CSMD1: variants seen among roughly 807,000 people sequenced by gnomAD.
CSMD1 encodes CUB and sushi domain-containing protein 1.
A neutral mutation model predicts 417.5 loss-of-function variants in CSMD1; 213 were observed. The ratio of observed to expected loss-of-function variants is 0.51; its 90% CI spans 0.46 to 0.57. CSMD1 has a LOEUF of 0.57. Among genes scored for constraint, CSMD1 ranks in the 20% least tolerant of loss-of-function variants. The pLI, the probability that CSMD1 is intolerant of heterozygous loss-of-function variation, is 0.00. For synonymous variants in CSMD1, 2,862 were observed against 1,736.8 expected, an observed-to-expected ratio of 1.65 and a Z score of -16.11; for missense variants, 6,923 against 4,529.7, an observed-to-expected ratio of 1.53 and a Z score of -15.17.
At position 3,609,194 on chromosome 8, in the gene CSMD1, T is replaced by C. The variant is rs116610455; in HGVS notation, c.1097+7516A>G. 4.9e-3 allele frequency among the ~76,000 whole-genome samples: 744 copies of C among 152,282 alleles called. 7 individuals carry two copies. The highest frequency in any genetic ancestry group is 0.017 in the African/African-American group (705 of 41,556). ...CTTCTACTTATAAACATGAGGATAA[T>C]TACATCTGCCTGGACATAGGCTACA... On this transcript the variant is annotated intron_variant, in intron 8 of 69. Coordinates refer to ENST00000635120, the MANE Select transcript of CSMD1 (RefSeq NM_033225.6).
chr8:3,498,760 TC>T (rs1418852942), intron 10 of CSMD1, among the ~76,000 whole-genome samples: 1 of 152,184 alleles, frequency 6.6e-6, no homozygotes, highest in Non-Finnish European at 1.5e-5. Context: ...TCTTTTTTCA[TC>T]TTGATCTAGT....
chr8:3,666,366 A>G (rs1042089605), intron 7 of CSMD1, among the ~76,000 whole-genome samples: 3 of 152,238 alleles, frequency 2.0e-5, no homozygotes, highest in Non-Finnish European at 4.4e-5. Context: ...AAAATGACAT[A>G]TTCAGTAGAG....
intron 30 of CSMD1, among the ~76,000 whole-genome samples, chr8:3,209,661 T>A (rs1408251381): frequency 6.6e-6 from 1 of 152,216 alleles, no homozygotes; most frequent in East Asian, 1.9e-4. Context: ...ACTGTGCTAA[T>A]CTAAGAAACA....
At chr8:3,365,455 T>C (rs35343399) in intron 20 of CSMD1, among the ~76,000 whole-genome samples, 9 of 152,194 alleles carry the variant, frequency 5.9e-5, no homozygotes, top group African/African-American at 2.2e-4. Flanking sequence ...AATTGTGAAG[T>C]TCTTATTACA....
intron 7 of CSMD1, among the ~76,000 whole-genome samples, chr8:3,671,511 ATGATCATATATATG>A (rs1799043161): frequency 9.1e-5 from 1 of 10,972 alleles, no homozygotes; most frequent in Non-Finnish European, 1.7e-4. Context: ...ATATATATAT[ATGATCATATATATG>A]ATCATATATA....
chr8:4,311,765 A>C (rs1798592384), intron 3 of CSMD1, among the ~76,000 whole-genome samples: 1 of 151,376 alleles, frequency 6.6e-6, no homozygotes, highest in Admixed American at 6.6e-5. Context: ...ATGAGAGTTC[A>C]TAGAGGGGAA....
chr8:4,901,751 G>A (rs533975717), intron 1 of CSMD1, among the ~76,000 whole-genome samples: 5 of 152,264 alleles, frequency 3.3e-5, no homozygotes, highest in Admixed American at 2.6e-4. Flanking sequence ...ATAGAGGACG[G>A]TAAGTAAATG....
intron 3 of CSMD1, among the ~76,000 whole-genome samples, chr8:4,220,971 A>G (rs1800995327): frequency 6.6e-6 from 1 of 152,216 alleles, no homozygotes; most frequent in Admixed American, 6.5e-5. Context: ...AGGCGCCCAG[A>G]GGAGCCCTTG....
At chr8:2,980,578 C>G (rs953252401) in intron 54 of CSMD1, among the ~76,000 whole-genome samples, 2 of 151,486 alleles carry the variant, frequency 1.3e-5, no homozygotes, top group Non-Finnish European at 2.9e-5. Flanking sequence ...GGTGCAGTAA[C>G]AACAGGATCC....
chr8:4,420,448 T>C (rs143752440), intron 2 of CSMD1, among the ~76,000 whole-genome samples: 47 of 152,200 alleles, frequency 3.1e-4, no homozygotes, highest in African/African-American at 1.1e-3. Context: ...AGGTGCGTCA[T>C]GGTGGTTTGC....
intron 25 of CSMD1, among the ~76,000 whole-genome samples, chr8:3,303,320 T>G (rs1315483705): frequency 6.6e-6 from 1 of 152,156 alleles, no homozygotes; most frequent in Non-Finnish European, 1.5e-5. Flanking sequence ...TTAATATTCC[T>G]AGATCTCCAG....
chr8:4,749,104 C>T (rs1464134809), intron 1 of CSMD1, among the ~76,000 whole-genome samples: 1 of 152,234 alleles, frequency 6.6e-6, no homozygotes, highest in Admixed American at 6.5e-5. Flanking sequence ...AGTCTCCACT[C>T]GCTTTGCTAA....
intron 3 of CSMD1, among the ~76,000 whole-genome samples, chr8:4,384,962 C>G (rs1803349878): frequency 1.3e-5 from 2 of 152,126 alleles, no homozygotes; most frequent in South Asian, 4.1e-4. Context: ...CCTCTGTCAC[C>G]CAGGATGGAG....
chr8:4,426,367 A>G (rs958539805), intron 2 of CSMD1, among the ~76,000 whole-genome samples: 3 of 150,146 alleles, frequency 2.0e-5, no homozygotes, highest in African/African-American at 4.9e-5. Context: ...TCCTTTTTAT[A>G]TATTTTGTAT....
intron 2 of CSMD1, among the ~76,000 whole-genome samples, chr8:4,449,952 T>A (rs973828558): frequency 1.3e-5 from 2 of 152,182 alleles, no homozygotes; most frequent in African/African-American, 2.4e-5. Context: ...AATTTTGCTC[T>A]TTTTCTTGTT....
intron 20 of CSMD1, among the ~76,000 whole-genome samples, chr8:3,360,446 G>C (rs1563309793): frequency 2.0e-5 from 3 of 152,188 alleles, no homozygotes; most frequent in Non-Finnish European, 2.9e-5. Flanking sequence ...ACAGTGGGAA[G>C]TGAGAAAGTG....
intron 3 of CSMD1, among the ~76,000 whole-genome samples, chr8:4,375,421 C>T (rs561081078): frequency 1.2e-4 from 18 of 152,156 alleles, no homozygotes; most frequent in Non-Finnish European, 2.2e-4. Flanking sequence ...GCACAAGCAT[C>T]TTGTACTACC....
rs1034708252 is a variant in CSMD1 at position 3,164,610 on chromosome 8, A to C, written c.5726-2333T>G. Among the ~76,000 whole-genome samples, 7 of 152,292 alleles carry C rather than the reference A, an allele frequency of 4.6e-5. No homozygotes were observed. In the South Asian group the frequency reaches 1.5e-3, roughly 32 times the overall value. ...CTCTGAGTTTTTTATTTCCCCCTGAAAAAAATGTATACTTAAAATACTAGG... is the reference window on the plus strand; with the variant it reads ...CTCTGAGTTTTTTATTTCCCCCTGACAAAAATGTATACTTAAAATACTAGG... On this transcript the variant is annotated intron_variant, in intron 37 of 69. Transcript: ENST00000635120.
chr8:3,228,157 T>C (rs966269355), intron 27 of CSMD1, among the ~76,000 whole-genome samples: 1 of 152,232 alleles, frequency 6.6e-6, no homozygotes, highest in African/African-American at 2.4e-5. Flanking sequence ...GGTAAAAAGA[T>C]GACAACTTTT....
Sources: allele counts gnomAD v4.1 joint callset (sites outside exome capture counted in the v4.1 genomes callset), GRCh38; gene constraint gnomAD v4.1.1; transcripts MANE v1.5; gene names NCBI Gene and HGNC (gene_info 2026-07-23, HGNC 2026-07-21).